The following PDZRN4 variants were observed in gnomAD, a reference collection of about 807,000 sequenced individuals.
PDZRN4 encodes the protein PDZ domain-containing RING finger protein 4.
PDZRN4 carries 70 observed loss-of-function variants against 99.0 expected under a neutral mutation model. The ratio of observed to expected loss-of-function variants is 0.71; its 90% CI spans 0.58 to 0.86. The LOEUF is 0.86. PDZRN4 is among the 40% of genes least tolerant of loss of function. PDZRN4 has a pLI of 0.00. For missense variants in PDZRN4, 1,474 were observed against 1,331.2 expected, an observed-to-expected ratio of 1.11 and a Z score of -1.67; for synonymous variants, 551 against 501.6, an observed-to-expected ratio of 1.10 and a Z score of -1.32.
chr12:41,558,493 A>T (rs896775844), intron 7 of PDZRN4, among the ~76,000 whole-genome samples: 1 of 152,204 alleles, frequency 6.6e-6, no homozygotes, highest in Non-Finnish European at 1.5e-5. Context: ...AAATACAGTT[A>T]TTAAAATTTC....
At chr12:41,197,068 CAAT>C (rs112722134) in intron 3 of PDZRN4, among the ~76,000 whole-genome samples, 2,609 of 152,006 alleles carry the variant, frequency 0.017, 50 homozygotes, top group African/African-American at 0.047. Context: ...AAAATAAAAA[CAAT>C]AAGAGATTCT....
intron 5 of PDZRN4, among the ~76,000 whole-genome samples, chr12:41,531,537 C>A (rs1938662102): frequency 6.6e-6 from 1 of 152,096 alleles, no homozygotes; most frequent in African/African-American, 2.4e-5. Context: ...CAGGATGGGG[C>A]CATGGCAGGC....
At chr12:41,384,100 T>A (rs1421110212) in intron 3 of PDZRN4, among the ~76,000 whole-genome samples, 1 of 149,396 alleles carries the variant, frequency 6.7e-6, no homozygotes, top group Non-Finnish European at 1.5e-5. Context: ...CCTCCCGGGT[T>A]CAAGCGATTC....
intron 3 of PDZRN4, among the ~76,000 whole-genome samples, chr12:41,439,746 T>C (rs1952662311): frequency 6.6e-6 from 1 of 152,188 alleles, no homozygotes; most frequent in South Asian, 2.1e-4. Context: ...TCTCTACTCC[T>C]GAGTTGCAGT....
intron 3 of PDZRN4, among the ~76,000 whole-genome samples, chr12:41,406,870 A>AGG (rs1952354435): frequency 6.6e-6 from 1 of 151,864 alleles, no homozygotes; most frequent in Non-Finnish European, 1.5e-5. Context: ...AAAAAAAAAA[A>AGG]AAAAAAAAAA....
chr12:41,464,533 T>C (rs1183659211), intron 3 of PDZRN4, among the ~76,000 whole-genome samples: 1 of 152,200 alleles, frequency 6.6e-6, no homozygotes, highest in Non-Finnish European at 1.5e-5. Context: ...TTGTAGTTGA[T>C]GTATTTTTTT....
chr12:41,527,022 TAG>T (rs1210365651), intron 5 of PDZRN4, among the ~76,000 whole-genome samples: 1 of 152,142 alleles, frequency 6.6e-6, no homozygotes, highest in Non-Finnish European at 1.5e-5. Context: ...TGTCTTCTGT[TAG>T]ATGTAGATGT....
At chr12:41,198,987 G>A (rs541677507) in intron 3 of PDZRN4, among the ~76,000 whole-genome samples, 7 of 152,016 alleles carry the variant, frequency 4.6e-5, no homozygotes, top group South Asian at 4.2e-4. Flanking sequence ...TAGTTGTCAC[G>A]TTTATTTAGC....
At chr12:41,495,711 C>G (rs772861378) in intron 3 of PDZRN4, among the ~76,000 whole-genome samples, 1 of 152,088 alleles carries the variant, frequency 6.6e-6, no homozygotes, top group African/African-American at 2.4e-5. Context: ...TTTACCATGA[C>G]CCATGGAGGA....
chr12:41,567,943 T>C (rs17582686), intron 9 of PDZRN4, 44 bp downstream of exon 9: 111,783 of 1,140,410 alleles, frequency 0.098, 6,494 homozygotes, highest in Non-Finnish European at 0.11. Flanking sequence ...ATGTTGCTTG[T>C]TCTTTTTTTA....
chr12:41,500,575 G>A (rs1938091754), intron 3 of PDZRN4, among the ~76,000 whole-genome samples: 2 of 152,128 alleles, frequency 1.3e-5, no homozygotes, highest in African/African-American at 2.4e-5. Context: ...TTTGTTCATT[G>A]ATAACCTTTT....
At chr12:41,256,700 A>G (rs1951206842) in intron 3 of PDZRN4, among the ~76,000 whole-genome samples, 1 of 152,164 alleles carries the variant, frequency 6.6e-6, no homozygotes, top group South Asian at 2.1e-4. Flanking sequence ...GACTGTCTCC[A>G]GACTTTCATA....
At chr12:41,231,103 A>C (rs749555533) in intron 3 of PDZRN4, among the ~76,000 whole-genome samples, 2 of 152,084 alleles carry the variant, frequency 1.3e-5, no homozygotes, top group East Asian at 1.9e-4. Flanking sequence ...AAATTCATTC[A>C]TGAACTCACA....
chr12:41,461,502 C>T (rs991017000), intron 3 of PDZRN4, among the ~76,000 whole-genome samples: 17 of 152,162 alleles, frequency 1.1e-4, no homozygotes, highest in African/African-American at 4.1e-4. Context: ...TACAGTGTTG[C>T]TTTCCTAGAG....
chr12:41,481,532 G>A (rs1347959542), intron 3 of PDZRN4, among the ~76,000 whole-genome samples: 1 of 152,018 alleles, frequency 6.6e-6, no homozygotes, highest in Non-Finnish European at 1.5e-5. Flanking sequence ...CATACCAAAA[G>A]TCTTCCTTTT....
chr12:41,245,687 G>GA (rs1190013325), intron 3 of PDZRN4, among the ~76,000 whole-genome samples: 5 of 151,906 alleles, frequency 3.3e-5, no homozygotes, highest in East Asian at 1.9e-4. Context: ...AATAAAAAGT[G>GA]AAAAAAAATA....
At chr12:41,241,731 G>A (rs918235037) in intron 3 of PDZRN4, among the ~76,000 whole-genome samples, 1 of 151,982 alleles carries the variant, frequency 6.6e-6, no homozygotes, top group Admixed American at 6.6e-5. Context: ...TGTTTCTTAA[G>A]ATAATATTAA....
chr12:41,300,631 A>G (rs1193821634), intron 3 of PDZRN4, among the ~76,000 whole-genome samples: 3 of 151,880 alleles, frequency 2.0e-5, no homozygotes, highest in African/African-American at 7.2e-5. Flanking sequence ...GCCTCAGGAT[A>G]TGTGTACATT....
chr12:41,541,226 A>G (rs1204032777), intron 5 of PDZRN4, among the ~76,000 whole-genome samples: 1 of 151,390 alleles, frequency 6.6e-6, no homozygotes, highest in Non-Finnish European at 1.5e-5. Context: ...CACCATGCCT[A>G]GCCAGCCCTA....
Sources: gnomAD v4.1 joint callset for allele counts (sites outside exome capture counted in the v4.1 genomes callset) on GRCh38, gnomAD v4.1.1 for gene constraint, MANE v1.5 for transcripts, NCBI Gene and HGNC (gene_info 2026-07-23, HGNC 2026-07-21) for gene names.